Variants in AIFM1 observed in about 807,000 individuals in gnomAD.
The protein encoded by AIFM1 is apoptosis inducing factor mitochondria associated 1.
AIFM1 carries 3 observed loss-of-function variants against 51.7 expected under a neutral mutation model. The ratio of observed to expected loss-of-function variants is 0.06; its 90% CI spans 0.03 to 0.15. The LOEUF is 0.15. Among genes scored for constraint, AIFM1 ranks in the 10% least tolerant of loss-of-function variants. AIFM1 has a pLI of 1.00. For missense variants in AIFM1, 330 were observed against 476.8 expected (o/e 0.69, Z 2.87); for synonymous variants, 178 against 179.4 (o/e 0.99, Z 0.06).
chrX:130,152,104 A>G (rs1228679798), intron 2 of AIFM1, among the ~76,000 whole-genome samples: 2 of 110,608 alleles, frequency 1.8e-5, no homozygotes, highest in Admixed American at 9.7e-5. Flanking sequence ...AAGAGAAGAG[A>G]AGAGAAGAGA....
At position 130,137,150 on chromosome X, in the gene AIFM1, G is replaced by C. The variant is rs775170934; in HGVS notation, c.1003C>G (p.Pro335Ala). 1 of 1,211,488 alleles carries C rather than the reference G, an allele frequency of 8.3e-7. No homozygotes were observed. The highest frequency in any genetic ancestry group is 1.1e-6 in the Non-Finnish European group (1 of 895,504). Reference protein sequence around the residue: ...ALGTEVIQLFPEKGNMGKILP... With the variant: ...ALGTEVIQLFAEKGNMGKILP... ...ATCTTTCCCATATTTCCTTTCTCGGGGAAGAGTTGAATCACTTCTGTGCCC... is the reference window on the plus strand; with the variant it reads ...ATCTTTCCCATATTTCCTTTCTCGGCGAAGAGTTGAATCACTTCTGTGCCC... The change falls in exon 10 of 16, where the codon CCC (proline) becomes GCC (alanine). Residue 335 changes from proline (P) to alanine (A), a missense_variant. By Grantham distance (27) the Pro-to-Ala change is conservative. Coordinates refer to ENST00000287295, the MANE Select transcript of AIFM1 (RefSeq NM_004208.4).
chrX:130,156,751 T>C, intron 1 of AIFM1, 148 bp from the exon 2 acceptor site: 1 of 654,522 alleles, frequency 1.5e-6, no homozygotes, highest in Non-Finnish European at 2.4e-6. Flanking sequence ...CAAAACTGCA[T>C]ATATAAATAC....
At chrX:130,150,489 C>G (rs771630883) in intron 2 of AIFM1, among the ~76,000 whole-genome samples, 279 of 102,405 alleles carry the variant, frequency 2.7e-3, no homozygotes, top group Non-Finnish European at 4.1e-3. Flanking sequence ...GCGCCCGCCA[C>G]TATGCCCGGC....
intron 7 of AIFM1, 62 bp from the exon 8 acceptor site, chrX:130,139,933 C>T: frequency 1.1e-6 from 1 of 943,009 alleles, no homozygotes; most frequent in Non-Finnish European, 1.5e-6. Flanking sequence ...AAACAATACT[C>T]CCTCCACCAC....
At chrX:130,148,477 C>T (rs183075122) in intron 3 of AIFM1, among the ~76,000 whole-genome samples, 4 of 111,599 alleles carry the variant, frequency 3.6e-5, no homozygotes, top group Admixed American at 1.9e-4. Context: ...ATACCTTTAG[C>T]AACTCGAAAC....
intron 6 of AIFM1, among the ~76,000 whole-genome samples, 199 bp from the exon 7 acceptor site, chrX:130,140,816 A>G (rs1452384497): frequency 1.8e-5 from 2 of 112,658 alleles, no homozygotes; most frequent in Admixed American, 9.4e-5. Flanking sequence ...CTCCAGGTCA[A>G]TAAGAAGTTG....
chrX:130,139,319 G>A (rs1269442472), intron 8 of AIFM1, among the ~76,000 whole-genome samples: 19 of 108,058 alleles, frequency 1.8e-4, no homozygotes, highest in African/African-American at 4.4e-4. Flanking sequence ...GTGATAGAGC[G>A]AGATTCAGTC....
chrX:130,146,816 C>T (rs1241084504), intron 5 of AIFM1, among the ~76,000 whole-genome samples: 2 of 111,564 alleles, frequency 1.8e-5, no homozygotes, highest in African/African-American at 6.5e-5. Context: ...AAAGAGAGTG[C>T]CGTTAAAAAG....
chrX:130,138,338 G>A (rs1298734435), intron 9 of AIFM1, among the ~76,000 whole-genome samples: 5 of 110,710 alleles, frequency 4.5e-5, no homozygotes, highest in East Asian at 2.8e-4. Flanking sequence ...GGTTACAGGC[G>A]CCTGTAGTCC....
At position 130,165,813 on chromosome X, in the gene AIFM1, C is replaced by G; in HGVS notation, c.-157G>C. On this transcript the variant is annotated 5_prime_UTR_variant, in exon 1 of 16. Transcript: ENST00000287295. ...TCCGGGTGGGCATTGGACAGAGAAG[C>G]CGGCCTGCTAGAGCCGGGGAAGGGG... is the stretch of plus-strand genomic sequence containing the variant. The G allele has an allele frequency of 1.9e-6, 1 of 531,382 alleles. No individual in the cohort carries two copies. The highest frequency in any genetic ancestry group is 2.5e-5 in the South Asian group (1 of 39,652). 43.8% of individuals were successfully genotyped at this position (531,382 alleles called of 1,213,427 possible).
intron 2 of AIFM1, among the ~76,000 whole-genome samples, chrX:130,151,446 A>G (rs1272288848): frequency 1.8e-5 from 2 of 111,262 alleles, no homozygotes; most frequent in East Asian, 5.7e-4. Flanking sequence ...GCCCCATAAA[A>G]CATATTCTAA....
chrX:130,141,201 A>G (rs1464818781), intron 6 of AIFM1, among the ~76,000 whole-genome samples: 1 of 112,476 alleles, frequency 8.9e-6, no homozygotes, highest in African/African-American at 3.2e-5. Flanking sequence ...CAGCCCAATA[A>G]GAAGAATGAG....
intron 1 of AIFM1, among the ~76,000 whole-genome samples, 186 bp from the exon 2 acceptor site, chrX:130,156,789 G>A (rs2031178153): frequency 8.9e-6 from 1 of 112,168 alleles, no homozygotes; most frequent in South Asian, 3.7e-4. Context: ...ACGCTCTTAA[G>A]TTGCTGAAGT....
At chrX:130,138,457 TC>T in intron 9 of AIFM1, 135 bp downstream of exon 9, 2 of 511,222 alleles carry the variant, frequency 3.9e-6, no homozygotes, top group Non-Finnish European at 6.7e-6. Flanking sequence ...AGAGCGAGAC[TC>T]CATCTCAAAA....
At position 130,157,630 on chromosome X, in the gene AIFM1, T is replaced by C. The variant is rs890717173; in HGVS notation, c.107-1027A>G. Among the ~76,000 whole-genome samples, 6 of 112,337 alleles carry C rather than the reference T, an allele frequency of 5.3e-5. 1 individual carries two copies. The highest frequency in any genetic ancestry group is 1.9e-4 in the African/African-American group (6 of 30,903). On this transcript the variant is annotated intron_variant, in intron 1 of 15. Coordinates refer to ENST00000287295, the MANE Select transcript of AIFM1 (RefSeq NM_004208.4). ...TATGGACACTGAAGTTTAAATTTTA[T>C]ATAATTTTCATGTGTCACGAAATTC...
chrX:130,164,476 A>G (rs1207719484), intron 1 of AIFM1, among the ~76,000 whole-genome samples: 3 of 112,570 alleles, frequency 2.7e-5, no homozygotes, highest in Non-Finnish European at 5.6e-5. Context: ...GTGTTTCTGT[A>G]TTGTAAAAGC....
chrX:130,150,448 G>A (rs2030924974), intron 2 of AIFM1, among the ~76,000 whole-genome samples: 1 of 94,820 alleles, frequency 1.1e-5, no homozygotes, highest in Non-Finnish European at 2.1e-5. Flanking sequence ...CCATTCTCCT[G>A]CCTCAGCCTC....
chrX:130,136,955 G>A, intron 10 of AIFM1, 123 bp downstream of exon 10: 1 of 1,176,195 alleles, frequency 8.5e-7, no homozygotes, highest in African/African-American at 1.8e-5. Flanking sequence ...CTGGAGAATG[G>A]TGGAAACATT....
chrX:130,158,813 C>T (rs1355382458), intron 1 of AIFM1, among the ~76,000 whole-genome samples: 1 of 109,520 alleles, frequency 9.1e-6, no homozygotes, highest in Non-Finnish European at 1.9e-5. Flanking sequence ...AGTCTAGAGG[C>T]TGATACTTAT....
Sources: allele counts gnomAD v4.1 joint callset (sites outside exome capture counted in the v4.1 genomes callset), GRCh38; gene constraint gnomAD v4.1.1; transcripts MANE v1.5; gene names NCBI Gene and HGNC (gene_info 2026-07-23, HGNC 2026-07-21).